The following GDAP1 variants were observed in gnomAD, a reference collection of about 807,000 sequenced individuals.
GDAP1 encodes ganglioside-induced differentiation-associated protein 1.
In GDAP1, 34 loss-of-function variants were observed where a neutral mutation model predicts 40.1. That is an observed-to-expected ratio of 0.85 (90% CI 0.64 to 1.13). GDAP1 has a LOEUF of 1.13. Among genes scored for constraint, GDAP1 ranks in the 50% most tolerant of loss-of-function variants. The probability of loss-of-function intolerance (pLI) is 0.00; values close to 1 mark genes in which losing one functional copy is unlikely to be tolerated. For missense variants in GDAP1, 374 were observed against 433.7 expected, an observed-to-expected ratio of 0.86 and a Z score of 1.22; for synonymous variants, 170 against 157.4, an observed-to-expected ratio of 1.08 and a Z score of -0.60.
intron 2 of GDAP1, among the ~76,000 whole-genome samples, chr8:74,461,863 A>C (rs1246264836): frequency 6.6e-6 from 1 of 152,224 alleles, no homozygotes; most frequent in Non-Finnish European, 1.5e-5. Flanking sequence ...ATTGCCATTA[A>C]ATCTCATAAA....
chr8:74,459,151 C>T (rs914409141), intron 2 of GDAP1, among the ~76,000 whole-genome samples: 3 of 152,024 alleles, frequency 2.0e-5, no homozygotes, highest in African/African-American at 7.2e-5. Flanking sequence ...TGTGCTGTGC[C>T]AACACTTGGT....
chr8:74,414,281 G>T (rs1302721396), intron 2 of GDAP1, among the ~76,000 whole-genome samples: 1 of 150,128 alleles, frequency 6.7e-6, no homozygotes, highest in East Asian at 1.9e-4. Context: ...GAAGCATCAA[G>T]AAATCACATG....
chr8:74,360,019 T>G, intron 2 of GDAP1, 118 bp from the exon 3 acceptor site: 2 of 762,658 alleles, frequency 2.6e-6, no homozygotes, highest in African/African-American at 1.7e-5. Flanking sequence ...ACAGTGTTTT[T>G]TGAATATACA....
chr8:74,421,844 GTTATT>G (rs1482182169), intron 2 of GDAP1, among the ~76,000 whole-genome samples: 1 of 152,150 alleles, frequency 6.6e-6, no homozygotes, highest in Non-Finnish European at 1.5e-5. Context: ...ACAAGACACT[GTTATT>G]TTATTTTCAT....
intron 2 of GDAP1, among the ~76,000 whole-genome samples, chr8:74,386,291 A>G (rs1428569429): frequency 3.3e-5 from 5 of 152,140 alleles, no homozygotes; most frequent in Non-Finnish European, 5.9e-5. Flanking sequence ...GGTATTGCCT[A>G]GGTTTTCCTC....
chr8:74,391,602 G>A (rs1810110571), intron 2 of GDAP1, among the ~76,000 whole-genome samples: 1 of 151,836 alleles, frequency 6.6e-6, no homozygotes, highest in Admixed American at 6.6e-5. Context: ...ACTGGGAGCT[G>A]CAGACTGGAG....
At chr8:74,470,370 A>G (rs1586844989) in intron 2 of GDAP1, among the ~76,000 whole-genome samples, 1 of 152,140 alleles carries the variant, frequency 6.6e-6, no homozygotes. Flanking sequence ...TTCATTTAAC[A>G]TTAGGTATAT....
chr8:74,391,535 A>G (rs1366542599), intron 2 of GDAP1, among the ~76,000 whole-genome samples: 3 of 151,470 alleles, frequency 2.0e-5, no homozygotes, highest in African/African-American at 7.3e-5. Flanking sequence ...TCCCAATGAG[A>G]TGACCTGGGT....
intron 2 of GDAP1, among the ~76,000 whole-genome samples, chr8:74,372,213 G>T (rs1194152832): frequency 6.6e-6 from 1 of 152,144 alleles, no homozygotes; most frequent in Non-Finnish European, 1.5e-5. Context: ...ATTGTGAATA[G>T]TGCCGCAATA....
At chr8:74,472,181 T>C (rs1248145850) in intron 2 of GDAP1, among the ~76,000 whole-genome samples, 2 of 152,188 alleles carry the variant, frequency 1.3e-5, no homozygotes, top group Non-Finnish European at 2.9e-5. Flanking sequence ...TAAGTAAGAC[T>C]ATGTTGTATT....
At chr8:74,480,434 G>T (rs1324434817) in intron 2 of GDAP1, among the ~76,000 whole-genome samples, 1 of 152,192 alleles carries the variant, frequency 6.6e-6, no homozygotes, top group African/African-American at 2.4e-5. Context: ...TCAGGAAATG[G>T]ATACTAAAGG....
intron 2 of GDAP1, among the ~76,000 whole-genome samples, chr8:74,400,683 G>T (rs2131548540): frequency 6.7e-6 from 1 of 149,904 alleles, no homozygotes; most frequent in South Asian, 2.1e-4. Context: ...TTTTGCAGTG[G>T]CTGGTACCAG....
At chr8:74,353,225 G>T (rs1343164429) in intron 2 of GDAP1, among the ~76,000 whole-genome samples, 1 of 152,170 alleles carries the variant, frequency 6.6e-6, no homozygotes, top group African/African-American at 2.4e-5. Flanking sequence ...GGCACTGTAG[G>T]CTGTGACAGG....
chr8:74,403,083 C>T (rs1805582791), intron 2 of GDAP1, among the ~76,000 whole-genome samples: 1 of 149,924 alleles, frequency 6.7e-6, no homozygotes, highest in South Asian at 2.1e-4. Context: ...ATAATAGTGC[C>T]CAAACAATCT....
intron 2 of GDAP1, among the ~76,000 whole-genome samples, chr8:74,354,511 A>C (rs773523597): frequency 3.3e-5 from 5 of 152,234 alleles, no homozygotes; most frequent in Admixed American, 6.5e-5. Flanking sequence ...AGTGATGACT[A>C]GCTTATAAAA....
downstream of GDAP1, among the ~76,000 whole-genome samples, chr8:74,370,829 C>A (rs1002185179): frequency 2.6e-5 from 4 of 151,982 alleles, no homozygotes; most frequent in Non-Finnish European, 5.9e-5. Context: ...GTGGTATGGC[C>A]ATATTAATTT....
At chr8:74,395,660 A>G (rs1810186570) in intron 2 of GDAP1, among the ~76,000 whole-genome samples, 1 of 152,178 alleles carries the variant, frequency 6.6e-6, no homozygotes, top group African/African-American at 2.4e-5. Flanking sequence ...CGTGTCTGCA[A>G]TGCTGTGGAA....
chr8:74,425,525 C>T (rs1334353424), intron 2 of GDAP1, among the ~76,000 whole-genome samples: 1 of 152,132 alleles, frequency 6.6e-6, no homozygotes, highest in Non-Finnish European at 1.5e-5. Flanking sequence ...AGGAATAAAG[C>T]AATTACCCTT....
intron 2 of GDAP1, among the ~76,000 whole-genome samples, chr8:74,399,147 T>G (rs937377028): frequency 1.3e-5 from 2 of 152,138 alleles, no homozygotes; most frequent in Non-Finnish European, 2.9e-5. Flanking sequence ...CTTGTACCTC[T>G]GGTTGAATTC....
Sources: gnomAD v4.1 joint callset for allele counts (sites outside exome capture counted in the v4.1 genomes callset) on GRCh38, gnomAD v4.1.1 for gene constraint, MANE v1.5 for transcripts, NCBI Gene and HGNC (gene_info 2026-07-23, HGNC 2026-07-21) for gene names.